Variants in WWOX observed in about 807,000 individuals in gnomAD.
The protein encoded by WWOX is WW domain containing oxidoreductase.
Under a neutral mutation model 46.2 loss-of-function variants are expected in WWOX, and 69 were observed. That is an observed-to-expected ratio of 1.49 (90% CI 1.23 to 1.82). WWOX has a LOEUF of 1.82. WWOX is among the 40% of genes most tolerant of loss of function. The probability of loss-of-function intolerance (pLI) is 0.00; values close to 1 mark genes in which losing one functional copy is unlikely to be tolerated. For missense variants in WWOX, 919 were observed against 542.6 expected, an observed-to-expected ratio of 1.69 and a Z score of -6.89; for synonymous variants, 359 against 202.6, an observed-to-expected ratio of 1.77 and a Z score of -6.56.
intron 5 of WWOX, among the ~76,000 whole-genome samples, chr16:78,332,312 T>C (rs1467243297): frequency 1.3e-5 from 2 of 152,186 alleles, no homozygotes; most frequent in South Asian, 2.1e-4. Context: ...CAGAGAATTA[T>C]TTGACTAGTT....
chr16:78,674,703 G>C (rs886188562), intron 8 of WWOX, among the ~76,000 whole-genome samples: 1 of 152,002 alleles, frequency 6.6e-6, no homozygotes. Flanking sequence ...ATTAAACAAA[G>C]AAAAATAAAC....
intron 8 of WWOX, among the ~76,000 whole-genome samples, chr16:78,626,012 A>C (rs945083233): frequency 1.3e-5 from 2 of 151,656 alleles, no homozygotes; most frequent in East Asian, 3.9e-4. Context: ...CTTTTTACCA[A>C]CCTAATATTG....
intron 8 of WWOX, among the ~76,000 whole-genome samples, chr16:78,809,941 C>T (rs1268057654): frequency 1.3e-5 from 2 of 152,176 alleles, no homozygotes; most frequent in Admixed American, 6.5e-5. Flanking sequence ...GCAAAGTCTC[C>T]CTTAGGGGAC....
intron 1 of WWOX, among the ~76,000 whole-genome samples, chr16:78,104,834 C>T (rs1311368593): frequency 6.6e-6 from 1 of 152,180 alleles, no homozygotes; most frequent in African/African-American, 2.4e-5. Flanking sequence ...CGTGTTAACT[C>T]ACTCGGTTCT....
intron 5 of WWOX, among the ~76,000 whole-genome samples, chr16:78,381,678 C>T (rs1219148710): frequency 1.3e-5 from 2 of 152,044 alleles, no homozygotes; most frequent in African/African-American, 4.8e-5. Flanking sequence ...ATTTTGAGAG[C>T]CATTTTACAG....
At chr16:78,198,936 C>T (rs1205209482) in intron 5 of WWOX, among the ~76,000 whole-genome samples, 11 of 152,068 alleles carry the variant, frequency 7.2e-5, no homozygotes, top group Non-Finnish European at 1.5e-5. Flanking sequence ...GCTGTTTGTA[C>T]CCTGATCAAT....
At chr16:78,418,639 G>C (rs1011998707) in intron 6 of WWOX, among the ~76,000 whole-genome samples, 1 of 151,956 alleles carries the variant, frequency 6.6e-6, no homozygotes, top group East Asian at 1.9e-4. Flanking sequence ...AACAATTCAC[G>C]GTTGGTTTTA....
chr16:78,101,404 T>C (rs572313032), intron 1 of WWOX, among the ~76,000 whole-genome samples: 2 of 124,362 alleles, frequency 1.6e-5, no homozygotes, highest in South Asian at 5.9e-4. Flanking sequence ...TGGAGTGCCG[T>C]GGTGCGATCT....
intron 8 of WWOX, among the ~76,000 whole-genome samples, chr16:78,714,100 C>A (rs907158385): frequency 1.1e-4 from 16 of 152,006 alleles, no homozygotes; most frequent in Admixed American, 9.2e-4. Context: ...CTTGTGAAGC[C>A]CCTTCTAGAA....
At chr16:79,156,875 C>CT (rs2050392429) in intron 8 of WWOX, among the ~76,000 whole-genome samples, 1 of 148,638 alleles carries the variant, frequency 6.7e-6, no homozygotes, top group Admixed American at 6.6e-5. Context: ...AAAGAAAAAA[C>CT]AAAACTAACA....
chr16:78,153,830 T>C (rs1252518260), intron 4 of WWOX, among the ~76,000 whole-genome samples: 1 of 152,142 alleles, frequency 6.6e-6, no homozygotes, highest in Non-Finnish European at 1.5e-5. Context: ...ATCCACAATA[T>C]GGAGAAAATT....
intron 8 of WWOX, among the ~76,000 whole-genome samples, chr16:78,490,811 G>T (rs2084765567): frequency 6.6e-6 from 1 of 152,208 alleles, no homozygotes; most frequent in Admixed American, 6.5e-5. Flanking sequence ...AGGCAGAGCA[G>T]TCCGTTACTT....
intron 8 of WWOX, among the ~76,000 whole-genome samples, chr16:79,146,702 T>A (rs1431596122): frequency 6.6e-6 from 1 of 152,138 alleles, no homozygotes. Flanking sequence ...GTTTATATTA[T>A]GGGAAGTTTT....
intron 2 of WWOX, among the ~76,000 whole-genome samples, chr16:78,108,865 G>A (rs2032318534): frequency 1.3e-5 from 2 of 152,226 alleles, no homozygotes; most frequent in South Asian, 4.1e-4. Context: ...GCATGCGCCT[G>A]TAATTCCAGC....
chr16:78,641,225 TC>T (rs1405857329), intron 8 of WWOX, among the ~76,000 whole-genome samples: 1 of 151,668 alleles, frequency 6.6e-6, no homozygotes, highest in Non-Finnish European at 1.5e-5. Flanking sequence ...GGTCTAAGTT[TC>T]CCCCAGGAGA....
intron 8 of WWOX, among the ~76,000 whole-genome samples, chr16:79,000,773 C>A (rs1345665530): frequency 6.6e-6 from 1 of 152,104 alleles, no homozygotes; most frequent in Non-Finnish European, 1.5e-5. Flanking sequence ...GCTAAGGCAC[C>A]CTATAATATA....
chr16:78,659,637 C>G (rs933832517), intron 8 of WWOX, among the ~76,000 whole-genome samples: 1 of 152,182 alleles, frequency 6.6e-6, no homozygotes, highest in Non-Finnish European at 1.5e-5. Context: ...ATCTCTGCCT[C>G]CATCGGAGCG....
At chr16:78,988,485 G>A (rs1036789118) in intron 8 of WWOX, among the ~76,000 whole-genome samples, 2 of 152,082 alleles carry the variant, frequency 1.3e-5, no homozygotes, top group African/African-American at 4.8e-5. Flanking sequence ...AAGACTCCTT[G>A]GAAGGAGCTG....
intron 8 of WWOX, among the ~76,000 whole-genome samples, chr16:78,672,718 A>G (rs2047496560): frequency 1.3e-5 from 2 of 152,258 alleles, no homozygotes; most frequent in South Asian, 4.1e-4. Flanking sequence ...AGATTCCCAG[A>G]GGACCGTTAC....
Sources: allele counts gnomAD v4.1 joint callset (sites outside exome capture counted in the v4.1 genomes callset), GRCh38; gene constraint gnomAD v4.1.1; transcripts MANE v1.5; gene names NCBI Gene and HGNC (gene_info 2026-07-23, HGNC 2026-07-21).